Variants in CACNA2D4 observed in about 807,000 individuals in gnomAD.
CACNA2D4 encodes the protein calcium voltage-gated channel auxiliary subunit alpha2delta 4, also known as voltage-dependent calcium channel subunit alpha-2/delta-4.
In CACNA2D4, 157 loss-of-function variants were observed where a neutral mutation model predicts 163.8. That is an observed-to-expected ratio of 0.96 (90% confidence interval 0.84 to 1.09). The LOEUF (loss-of-function observed/expected upper bound fraction) is 1.09, where lower values mean the gene tolerates loss of function less well. CACNA2D4 is among the 50% of genes least tolerant of loss of function. CACNA2D4 has a pLI of 0.00. For missense variants in CACNA2D4, 1,410 were observed against 1,479.9 expected, an observed-to-expected ratio of 0.95 and a Z score of 0.78; for synonymous variants, 598 against 586.9, an observed-to-expected ratio of 1.02 and a Z score of -0.27.
rs759653968 is a variant in CACNA2D4, at chr12:1,907,465, T to G, written c.756A>C (p.Ala252=). The G allele has an allele frequency of 6.8e-6, 11 of 1,613,876 alleles. No individual in the cohort carries two copies. Among genetic ancestry groups the G allele is most frequent in the Middle Eastern group, 1.7e-4 (1 of 6,058 alleles). The change falls in exon 6 of 38, where the codon GCA becomes GCC. Residue 252 remains alanine (A), a synonymous_variant. Coordinates refer to ENST00000382722, the MANE Select transcript of CACNA2D4 (RefSeq NM_172364.5). ...PTLTWQYFGS[A]TGFFRIYPGI... ...CTGGATAGATCCTGAAGAATCCAGT[T>G]GCACTGCCAAAATATTGCCAGGTCA...
At position 1,820,248 on chromosome 12, in the gene CACNA2D4, G is replaced by GA. The variant is rs558408386; in HGVS notation, c.2552-8526_2552-8525insT. On this transcript the variant is annotated intron_variant, in intron 26 of 37. Transcript: ENST00000382722. The surrounding 1 kb of genome is among the most constrained non-coding windows in gnomAD (Gnocchi z 6.0). ...GAGGCACAGAAGACAGGTGCAGCCGGGGGGGTGAGGGAGAGCCTGGAGGCG... is the reference window on the plus strand; with the variant it reads ...GAGGCACAGAAGACAGGTGCAGCCGGAGGGGGTGAGGGAGAGCCTGGAGGCG... 1 of 152,188 alleles carries GA rather than the reference G, an allele frequency of 6.6e-6. No homozygotes were observed. The highest frequency in any genetic ancestry group is 2.4e-5 in the African/African-American group (1 of 41,344). 9.4% of individuals were successfully genotyped at this position (152,188 alleles called of 1,614,324 possible). A position where few individuals can be genotyped will look rare whatever the true frequency, so the allele number is the denominator to read the frequency against.
At chr12:1,795,419 G>A (rs983663199) in intron 36 of CACNA2D4, 38 bp from the exon 37 acceptor site, 1 of 1,574,986 alleles carries the variant, frequency 6.3e-7, no homozygotes, top group East Asian at 2.3e-5. Flanking sequence ...TCTCAGGACC[G>A]GAGCCCATTC....
chr12:1,867,689 A>G (rs1016924288), intron 18 of CACNA2D4, among the ~76,000 whole-genome samples: 1 of 152,106 alleles, frequency 6.6e-6, no homozygotes, highest in Admixed American at 6.5e-5. Context: ...TATAAAATAT[A>G]TGGTTTGCAA....
At chr12:1,824,160 G>A (rs79063007) in intron 26 of CACNA2D4, among the ~76,000 whole-genome samples, 2,119 of 152,310 alleles carry the variant, frequency 0.014, 54 homozygotes, top group African/African-American at 0.049. Context: ...GGGTCCTGGA[G>A]GCTCAGGGAC....
chr12:1,887,741 A>G (rs1239030095), intron 6 of CACNA2D4, among the ~76,000 whole-genome samples: 1 of 152,234 alleles, frequency 6.6e-6, no homozygotes, highest in Admixed American at 6.5e-5. Context: ...CATGATCCAC[A>G]ATAGAATCTC....
At chr12:1,884,040 G>A in intron 12 of CACNA2D4, 1 of 532,420 alleles carries the variant, frequency 1.9e-6, no homozygotes, top group Non-Finnish European at 3.4e-6. Context: ...AGAAAGAATG[G>A]GGGCAGGATG....
rs1234255028 is a variant in CACNA2D4, at chr12:1,797,400, G to T, written c.3113+18C>A. On this transcript the variant is annotated intron_variant, in intron 35 of 37. Coordinates refer to ENST00000382722, the MANE Select transcript of CACNA2D4 (RefSeq NM_172364.5). Reference sequence around the variant, plus strand: ...GGAGGAGTGTGGCGGGACGGGCGGCGCCGCCCTGCGGTCTTACTTCTGGCA... The same window carrying T: ...GGAGGAGTGTGGCGGGACGGGCGGCTCCGCCCTGCGGTCTTACTTCTGGCA... 2 of 1,503,114 alleles carry T rather than the reference G, an allele frequency of 1.3e-6. No individual in the cohort carries two copies. Among genetic ancestry groups the T allele is most frequent in the South Asian group, 1.2e-5 (1 of 83,342 alleles). The allele number at this position is 1,503,114 out of a possible 1,614,324, so 93.1% of individuals were successfully genotyped here.
chr12:1,895,820 T>G (rs1409588856), intron 6 of CACNA2D4, among the ~76,000 whole-genome samples: 1 of 151,916 alleles, frequency 6.6e-6, no homozygotes. Flanking sequence ...AAATTTTTTG[T>G]AGAGATAGGG....
At chr12:1,822,857 C>T (rs918988769) in intron 26 of CACNA2D4, among the ~76,000 whole-genome samples, 1 of 152,158 alleles carries the variant, frequency 6.6e-6, no homozygotes, top group Admixed American at 6.5e-5. Context: ...TGCGTCCTGG[C>T]CACATGGAAT....
At chr12:1,889,927 C>T (rs1202147158) in intron 6 of CACNA2D4, among the ~76,000 whole-genome samples, 12 of 152,184 alleles carry the variant, frequency 7.9e-5, no homozygotes, top group Admixed American at 7.9e-4. Flanking sequence ...GATAATCACA[C>T]TTTGAATAGA....
In CACNA2D4 at chr12:1,908,073, G is replaced by A. The variant is rs372096442; in HGVS notation, c.487-36C>T. On this transcript the variant is annotated intron_variant, in intron 4 of 37. Transcript: ENST00000382722. ...CGGGTGAGGCCCACGGAGGCGGCCC[G>A]AGCACCGGGACAGGCGGAGAGAGAG... 70 of 1,584,160 alleles carry A rather than the reference G, an allele frequency of 4.4e-5. 1 individual carries two copies. The Middle Eastern group carries it at 4.9e-3, about 111-fold the overall frequency.
rs1347387213 is a variant in CACNA2D4, at chr12:1,869,847, A to G, written c.1878+4757T>C. 6.6e-6 allele frequency among the ~76,000 whole-genome samples: 1 copy of G among 152,196 alleles called. No homozygotes were observed. Among genetic ancestry groups the G allele is most frequent in the Non-Finnish European group, 1.5e-5 (1 of 68,040 alleles). ...ACATCTTTTCCTTTACACAGTTACA[A>G]TGTCTGCACTAAAGTCATTCTAATT... On this transcript the variant is annotated intron_variant, in intron 18 of 37. Coordinates refer to ENST00000382722, the MANE Select transcript of CACNA2D4 (RefSeq NM_172364.5). This position sits in a 1 kb window ranked among gnomAD's most constrained non-coding sequence, Gnocchi z 4.7.
chr12:1,831,075 A>G, intron 26 of CACNA2D4: 1 of 1,613,984 alleles, frequency 6.2e-7, no homozygotes, highest in Non-Finnish European at 8.5e-7. Context: ...GCCCGCAGCC[A>G]CCCGAACCCT....
intron 26 of CACNA2D4, among the ~76,000 whole-genome samples, chr12:1,821,635 G>A (rs1864106639): frequency 6.6e-6 from 1 of 152,170 alleles, no homozygotes; most frequent in Non-Finnish European, 1.5e-5. Context: ...GGTACACAGC[G>A]GGGCCAGGCC....
At position 1,829,826 on chromosome 12, in the gene CACNA2D4, G is replaced by A. The variant is rs931904721; in HGVS notation, c.2551+10913C>T. ...CTCTAGGCTGGGTGGAACTGACCTC[G>A]GCTGGGCTGACCTGGTGGGGCTGAA... On this transcript the variant is annotated intron_variant, in intron 26 of 37. Transcript: ENST00000382722. This position sits in a 1 kb window ranked among gnomAD's most constrained non-coding sequence, Gnocchi z 4.2. Among the ~76,000 whole-genome samples, 5 of 151,878 alleles carry A rather than the reference G, an allele frequency of 3.3e-5. No individual in the cohort carries two copies. The highest frequency in any genetic ancestry group is 2.1e-4 in the South Asian group (1 of 4,808).
chr12:1,871,334 T>C (rs1212958129), intron 18 of CACNA2D4, among the ~76,000 whole-genome samples: 3 of 151,290 alleles, frequency 2.0e-5, no homozygotes, highest in Non-Finnish European at 2.9e-5. Context: ...AGTGTGTGCA[T>C]GTGTACACGT....
chr12:1,814,581 T>C (rs1164222033), intron 26 of CACNA2D4, among the ~76,000 whole-genome samples: 2 of 152,234 alleles, frequency 1.3e-5, no homozygotes, highest in African/African-American at 4.8e-5. Flanking sequence ...TGACCCTCCT[T>C]GAGACTTCTC....
At position 1,856,221 on chromosome 12, in the gene CACNA2D4, C is replaced by A. The variant is rs1865397317; in HGVS notation, c.2017G>T (p.Asp673Tyr). The A allele has an allele frequency of 6.2e-7, 1 of 1,614,014 alleles. No homozygotes were observed. The highest frequency in any genetic ancestry group is 1.1e-5 in the South Asian group (1 of 91,056). ...GNTSVEEGLH[D>Y]LLHPDLALAG... ...AGGGCCAGGTCTGGGTGAAGCAAGT[C>A]ATGCAGGCCTGAAACCAGAGTCCAC... The change falls in exon 21 of 38, where the codon GAC (aspartate) becomes TAC (tyrosine). Residue 673 changes from aspartate (D) to tyrosine (Y), a missense_variant. Transcript: ENST00000382722.
chr12:1,898,631 C>T (rs997991260), intron 6 of CACNA2D4, among the ~76,000 whole-genome samples: 46 of 151,996 alleles, frequency 3.0e-4, no homozygotes, highest in African/African-American at 1.1e-3. Context: ...TTAGAAAAGT[C>T]GGAACCCTTG....
Sources: allele counts gnomAD v4.1 joint callset (sites outside exome capture counted in the v4.1 genomes callset), GRCh38; gene constraint gnomAD v4.1.1; non-coding constraint Gnocchi (gnomAD v3.1); transcripts MANE v1.5; gene names NCBI Gene and HGNC (gene_info 2026-07-23, HGNC 2026-07-21).